Variants in MAST4 observed in about 807,000 individuals in gnomAD.
MAST4 encodes the protein microtubule associated serine/threonine kinase family member 4.
A neutral mutation model predicts 162.7 loss-of-function variants in MAST4; 89 were observed. The ratio of observed to expected loss-of-function variants is 0.55; its 90% confidence interval spans 0.46 to 0.65. The LOEUF (loss-of-function observed/expected upper bound fraction) is 0.65. Ranked by LOEUF, MAST4 falls within the 30% of genes least tolerant of loss-of-function variation. MAST4 has a pLI of 0.00. For missense variants in MAST4, 3,153 were observed against 3,374.0 expected, an observed-to-expected ratio of 0.93 and a Z score of 1.62; for synonymous variants, 1,479 against 1,361.1, an observed-to-expected ratio of 1.09 and a Z score of -1.91.
chr5:67,139,615 A>T (rs537303141), intron 19 of MAST4, among the ~76,000 whole-genome samples: 62 of 152,222 alleles, frequency 4.1e-4, no homozygotes, highest in Middle Eastern at 3.2e-3. Context: ...AAATGCAAAA[A>T]TGTTCATTAA....
chr5:66,613,130 A>G (rs1054506909), intron 1 of MAST4, among the ~76,000 whole-genome samples: 5 of 152,132 alleles, frequency 3.3e-5, no homozygotes, highest in Non-Finnish European at 7.4e-5. Flanking sequence ...TAGCCCAGGC[A>G]TTCTTGAACT....
chr5:66,778,431 T>C (rs1742262606), intron 2 of MAST4, among the ~76,000 whole-genome samples: 1 of 152,194 alleles, frequency 6.6e-6, no homozygotes, highest in African/African-American at 2.4e-5. Flanking sequence ...GTGCTTGTAA[T>C]AATAGAAACA....
At chr5:66,789,528 A>G (rs1182392308) in intron 3 of MAST4, among the ~76,000 whole-genome samples, 2 of 152,026 alleles carry the variant, frequency 1.3e-5, no homozygotes, top group African/African-American at 2.4e-5. Flanking sequence ...TTAATGGCTT[A>G]TTTTTAAGGG....
chr5:67,004,852 C>G, intron 4 of MAST4: 1 of 621,348 alleles, frequency 1.6e-6, no homozygotes, highest in South Asian at 1.9e-5. Context: ...GATCACAGTT[C>G]CCATCACATT....
At chr5:66,839,112 G>T (rs951100440) in intron 3 of MAST4, among the ~76,000 whole-genome samples, 1 of 152,162 alleles carries the variant, frequency 6.6e-6, no homozygotes, top group African/African-American at 2.4e-5. Context: ...AACAGGACAT[G>T]GTGACCTGTT....
intron 1 of MAST4, among the ~76,000 whole-genome samples, chr5:66,752,862 A>C (rs1287313921): frequency 6.6e-6 from 1 of 152,144 alleles, no homozygotes; most frequent in Non-Finnish European, 1.5e-5. Context: ...GCACCACACC[A>C]CACCCACACC....
chr5:67,055,128 A>T (rs1758643526), intron 5 of MAST4, among the ~76,000 whole-genome samples: 1 of 152,170 alleles, frequency 6.6e-6, no homozygotes, highest in African/African-American at 2.4e-5. Context: ...TTGAAAGATG[A>T]GCAAGAATTT....
Position 67,145,316 on chromosome 5 carries a change from T to A in MAST4, c.3031T>A (p.Cys1011Ser). 6.2e-6 allele frequency: 10 copies of A among 1,613,532 alleles called. No homozygotes were observed. The highest frequency in any genetic ancestry group is 6.8e-6 in the Non-Finnish European group (8 of 1,179,814). ...PGKPALPPEE[C>S]AQEEPEVTTP... The stretch of plus-strand genomic sequence containing the variant: ...AAAGCCAGCCCTTCCTCCTGAAGAG[T>A]GTGCCCAGGAGGAGCCTGAGGTCAC... Residue 1011 changes from cysteine (C) to serine (S), a missense_variant, in exon 23 of 29, where the codon TGT (cysteine) becomes AGT (serine). Coordinates refer to ENST00000403625, the MANE Select transcript of MAST4 (RefSeq NM_001164664.2).
At chr5:66,873,667 A>G (rs1761097688) in intron 3 of MAST4, among the ~76,000 whole-genome samples, 1 of 152,210 alleles carries the variant, frequency 6.6e-6, no homozygotes, top group Non-Finnish European at 1.5e-5. Flanking sequence ...ACTGAGCCCC[A>G]TTGCTCTAGA....
chr5:66,738,410 A>C (rs78131779), intron 1 of MAST4, among the ~76,000 whole-genome samples: 2,131 of 152,278 alleles, frequency 0.014, 47 homozygotes, highest in African/African-American at 0.047. Context: ...TTGTATGCCT[A>C]GAAGGTGGAG....
At chr5:66,923,942 A>T (rs1284074981) in intron 4 of MAST4, among the ~76,000 whole-genome samples, 1 of 152,226 alleles carries the variant, frequency 6.6e-6, no homozygotes, top group East Asian at 1.9e-4. Flanking sequence ...TCATCTTAAG[A>T]TGTGTTTTAA....
Position 67,166,586 on chromosome 5 carries a change from G to A in MAST4, c.7407G>A (p.Arg2469=), listed in dbSNP as rs767251775. ...GCTCCTCCAGCTTCCCTGAAACCAGGGCCGGAGTTAGAGAGGCCTCTGCAG... is the reference window on the plus strand; with the variant it reads ...GCTCCTCCAGCTTCCCTGAAACCAGAGCCGGAGTTAGAGAGGCCTCTGCAG... ...LSCSSSFPET[R]AGVREASAAS... The change falls in exon 29 of 29, where the codon AGG becomes AGA. Residue 2469 remains arginine, a synonymous_variant. Coordinates refer to ENST00000403625, the MANE Select transcript of MAST4 (RefSeq NM_001164664.2). 1.7e-4 allele frequency: 275 copies of A among 1,603,174 alleles called. No homozygotes were observed. Among genetic ancestry groups the A allele is most frequent in the Non-Finnish European group, 2.2e-4 (259 of 1,175,152 alleles).
At chr5:66,807,409 T>C (rs1482086666) in intron 3 of MAST4, among the ~76,000 whole-genome samples, 2 of 150,720 alleles carry the variant, frequency 1.3e-5, no homozygotes, top group Non-Finnish European at 1.5e-5. Flanking sequence ...GGCAGGAGAA[T>C]GGCGTGAACC....
chr5:67,161,575 A>T (rs1773185422), intron 27 of MAST4, among the ~76,000 whole-genome samples: 1 of 152,236 alleles, frequency 6.6e-6, no homozygotes. Context: ...AAACTAAAAA[A>T]TAGCAGTGTA....
rs767270492 is a variant in MAST4, at chr5:67,160,556, G to A, written c.3749G>A (p.Arg1250Gln). ...AGCTATAAGAGCCGGATGGTGAGGC[G>A]GAGCAAGAAATCCAAGAAGAAAGAA... The part of the protein sequence containing the change: ...RNSYKSRMVR[R>Q]SKKSKKKESL... The change falls in exon 27 of 29, where the codon CGG becomes CAG. Residue 1250 changes from arginine (R) to glutamine (Q), a missense_variant. Around this residue, in one of 7 missense-constraint regions of MAST4, gnomAD observed 619 missense variants for 744.2 expected, o/e 0.83. Transcript: ENST00000403625. 9.9e-6 allele frequency: 16 copies of A among 1,613,218 alleles called. No homozygotes were observed. In the Admixed American group the frequency reaches 2.2e-4, roughly 22 times the overall value.
intron 3 of MAST4, among the ~76,000 whole-genome samples, chr5:66,793,181 T>C (rs257711): frequency 1.3e-5 from 2 of 151,970 alleles, no homozygotes. Flanking sequence ...TTTCCTTGGC[T>C]ATGCTAAATA....
At chr5:67,104,996 A>C (rs1313608155) in intron 10 of MAST4, among the ~76,000 whole-genome samples, 2 of 152,202 alleles carry the variant, frequency 1.3e-5, no homozygotes, top group Non-Finnish European at 2.9e-5. Context: ...CTATTAATTA[A>C]CCTGCATGTG....
intron 4 of MAST4, among the ~76,000 whole-genome samples, chr5:66,918,683 G>A (rs527827442): frequency 2.0e-5 from 3 of 152,146 alleles, no homozygotes; most frequent in African/African-American, 7.2e-5. Flanking sequence ...ACAAACAAAT[G>A]TGAGGTCTCT....
chr5:66,900,016 TTTATTAATATATAG>T, intron 4 of MAST4, 34 bp downstream of exon 4: 1 of 1,398,308 alleles, frequency 7.2e-7, no homozygotes. Context: ...TTGTTTTCTT[TTTATTAATATATAG>T]TTTATAGTAT....
Sources: allele counts gnomAD v4.1 joint callset (sites outside exome capture counted in the v4.1 genomes callset), GRCh38; gene constraint gnomAD v4.1.1; regional missense constraint gnomAD v4.1.1; transcripts MANE v1.5; gene names NCBI Gene and HGNC (gene_info 2026-07-23, HGNC 2026-07-21).